The following CACNA2D2 variants were observed in gnomAD, a reference collection of about 807,000 sequenced individuals.
CACNA2D2 encodes voltage-dependent calcium channel subunit alpha-2/delta-2.
A neutral mutation model predicts 166.4 loss-of-function variants in CACNA2D2; 48 were observed. The observed-to-expected ratio is 0.29, with a 90% CI of 0.23 to 0.37. CACNA2D2 has a LOEUF of 0.37. Among genes scored for constraint, CACNA2D2 ranks in the 10% least tolerant of loss-of-function variants. The probability of loss-of-function intolerance (pLI) is 1.00; values close to 1 mark genes in which losing one functional copy is unlikely to be tolerated. For synonymous variants in CACNA2D2, 561 were observed against 573.7 expected (o/e 0.98, Z 0.32); for missense variants, 1,122 against 1,433.0 (o/e 0.78, Z 3.50).
chr3:50,485,983 G>A (rs1302630790), intron 1 of CACNA2D2, among the ~76,000 whole-genome samples: 5 of 152,124 alleles, frequency 3.3e-5, no homozygotes, highest in Non-Finnish European at 7.4e-5. Flanking sequence ...CACTGACACA[G>A]ACTATGGGCA....
At chr3:50,477,360 G>A (rs556733580) in intron 1 of CACNA2D2, among the ~76,000 whole-genome samples, 1 of 152,302 alleles carries the variant, frequency 6.6e-6, no homozygotes, top group South Asian at 2.1e-4. Context: ...CGCTGCATGG[G>A]GATCTTTGTG....
chr3:50,441,115 T>C (rs1708572815), intron 2 of CACNA2D2, among the ~76,000 whole-genome samples: 1 of 151,102 alleles, frequency 6.6e-6, no homozygotes, highest in African/African-American at 2.4e-5. Context: ...ACCCAGGTGG[T>C]GGGGACAGGG....
intron 2 of CACNA2D2, among the ~76,000 whole-genome samples, chr3:50,456,592 T>C (rs553930754): frequency 6.6e-6 from 1 of 152,134 alleles, no homozygotes; most frequent in Non-Finnish European, 1.5e-5. Context: ...TCTCCAGGGA[T>C]CCCTGCTTAG....
At chr3:50,473,789 C>T (rs1710195272) in intron 2 of CACNA2D2, among the ~76,000 whole-genome samples, 1 of 152,198 alleles carries the variant, frequency 6.6e-6, no homozygotes, top group African/African-American at 2.4e-5. Context: ...ACCCCCAACC[C>T]CCACGCCCAC....
Position 50,503,619 on chromosome 3 carries a change from T to C in CACNA2D2, c.-196A>G, listed in dbSNP as rs1442927480. 6.2e-6 allele frequency: 1 copy of C among 162,026 alleles called. No individual in the cohort carries two copies. The highest frequency in any genetic ancestry group is 6.4e-5 in the Admixed American group (1 of 15,564). The allele number at this position is 162,026 out of a possible 1,614,324, so 10.0% of individuals were successfully genotyped here. ...GCGCGCTGCTATCTCCCTGCAGCGC[T>C]GGCTCCAAGCGCTCTGAGCGCCCGG... On this transcript the variant is annotated 5_prime_UTR_variant, in exon 1 of 38. Transcript: ENST00000424201.
At position 50,365,413 on chromosome 3, in the gene CACNA2D2, T is replaced by C; in HGVS notation, c.3041A>G (p.Tyr1014Cys). The C allele has an allele frequency of 3.1e-6, 5 of 1,613,556 alleles. No homozygotes were observed. The highest frequency in any genetic ancestry group is 4.2e-6 in the Non-Finnish European group (5 of 1,179,848). ...GTAGGAGGCGTTTACCGAGCCGAAGTAGTACTGGGTCTGTTTCATGACGCA... is the reference window on the plus strand; with the variant it reads ...GTAGGAGGCGTTTACCGAGCCGAAGCAGTACTGGGTCTGTTTCATGACGCA... Reference protein sequence around the residue: ...SSCVMKQTQYYFGSVNASYNA... With the variant: ...SSCVMKQTQYCFGSVNASYNA... Residue 1014 changes from tyrosine to cysteine, a missense_variant, in exon 35 of 38, where the codon TAC becomes TGC. This residue lies in a region of CACNA2D2 where 282 missense variants were observed against 266.2 expected (regional missense o/e 1.06). Coordinates refer to ENST00000424201, the MANE Select transcript of CACNA2D2 (RefSeq NM_006030.4). The surrounding 1 kb of genome is among the most constrained non-coding windows in gnomAD (Gnocchi z 4.5).
chr3:50,502,408 A>ACAC (rs1330011714), intron 1 of CACNA2D2, among the ~76,000 whole-genome samples: 4 of 152,224 alleles, frequency 2.6e-5, no homozygotes, highest in African/African-American at 9.6e-5. Context: ...CCAGCCCCAG[A>ACAC]CACATCTGGC....
intron 1 of CACNA2D2, among the ~76,000 whole-genome samples, chr3:50,497,370 C>G (rs1346107236): frequency 1.3e-5 from 2 of 152,214 alleles, no homozygotes. Context: ...GCCTCCTCAC[C>G]TAAGATGGGG....
intron 3 of CACNA2D2, among the ~76,000 whole-genome samples, chr3:50,405,200 C>T (rs368921384): frequency 6.6e-6 from 1 of 152,048 alleles, no homozygotes; most frequent in Admixed American, 6.6e-5. Context: ...GACAAAAGGG[C>T]CCTGAAATGT....
At chr3:50,397,181 G>T (rs1224358570) in intron 3 of CACNA2D2, among the ~76,000 whole-genome samples, 1 of 152,248 alleles carries the variant, frequency 6.6e-6, no homozygotes, top group Admixed American at 6.5e-5. Flanking sequence ...GAATCCCATG[G>T]GCTCAAAGGC....
chr3:50,432,147 G>A (rs1001756163), intron 3 of CACNA2D2, among the ~76,000 whole-genome samples: 5 of 152,146 alleles, frequency 3.3e-5, no homozygotes, highest in African/African-American at 1.2e-4. Context: ...TTGGGACCAG[G>A]ACCTCAGGCC....
chr3:50,405,839 C>G (rs948096381), intron 3 of CACNA2D2, among the ~76,000 whole-genome samples: 2 of 152,208 alleles, frequency 1.3e-5, no homozygotes, highest in African/African-American at 4.8e-5. Context: ...AGGGCCAGAT[C>G]TCTCTCCTGT....
intron 2 of CACNA2D2, among the ~76,000 whole-genome samples, chr3:50,450,703 T>C (rs2106954058): frequency 6.6e-6 from 1 of 152,292 alleles, no homozygotes; most frequent in East Asian, 1.9e-4. Context: ...CTGAGGCTGA[T>C]GATCGTTTGT....
rs761572400 is a variant in CACNA2D2 at position 50,387,539 on chromosome 3, G to A, written c.510+29C>T. 1.9e-6 allele frequency: 3 copies of A among 1,604,142 alleles called. No individual in the cohort carries two copies. In the South Asian group the frequency reaches 3.3e-5, roughly 18 times the overall value. ...AGCCAAGGCCACCAAGGCCCAGCAA[G>A]GAGGTGTGGCTCAGGAGGGGGTGCT... On this transcript the variant is annotated intron_variant, in intron 5 of 37. Coordinates refer to ENST00000424201, the MANE Select transcript of CACNA2D2 (RefSeq NM_006030.4).
chr3:50,408,751 G>A (rs1002674825), intron 3 of CACNA2D2, among the ~76,000 whole-genome samples: 2 of 152,180 alleles, frequency 1.3e-5, no homozygotes, highest in Non-Finnish European at 2.9e-5. Context: ...GCTCCTGCCT[G>A]GGCCCAGGCC....
chr3:50,372,935 C>A, intron 22 of CACNA2D2: 1 of 697,420 alleles, frequency 1.4e-6, no homozygotes, highest in South Asian at 1.7e-5. Flanking sequence ...CTAGAGGAGC[C>A]AAGGGGAAGC....
At chr3:50,404,845 T>C (rs1415439449) in intron 3 of CACNA2D2, among the ~76,000 whole-genome samples, 1 of 152,140 alleles carries the variant, frequency 6.6e-6, no homozygotes, top group African/African-American at 2.4e-5. Flanking sequence ...AGCAGAGAAC[T>C]TGCTAGAGGC....
intron 1 of CACNA2D2, among the ~76,000 whole-genome samples, chr3:50,476,926 TTTC>T (rs1322391427): frequency 3.9e-4 from 59 of 150,362 alleles, no homozygotes; most frequent in Admixed American, 2.8e-3. Context: ...TTTGTTTCTT[TTTC>T]TTTTTTTTTT....
intron 3 of CACNA2D2, among the ~76,000 whole-genome samples, chr3:50,413,735 T>G (rs1439088909): frequency 6.6e-6 from 1 of 152,082 alleles, no homozygotes; most frequent in Non-Finnish European, 1.5e-5. Context: ...TAATCCCAGT[T>G]ACTTGGGAGG....
Sources: gnomAD v4.1 joint callset for allele counts (sites outside exome capture counted in the v4.1 genomes callset) on GRCh38, gnomAD v4.1.1 for gene constraint, gnomAD v4.1.1 regional missense constraint, Gnocchi (gnomAD v3.1) non-coding constraint, MANE v1.5 for transcripts, NCBI Gene and HGNC (gene_info 2026-07-23, HGNC 2026-07-21) for gene names.